The following PREX1 variants were observed in gnomAD, a reference collection of about 807,000 sequenced individuals.
The protein encoded by PREX1 is phosphatidylinositol 3,4,5-trisphosphate-dependent Rac exchanger 1 protein.
PREX1 carries 41 observed loss-of-function variants against 198.3 expected under a neutral mutation model. The observed-to-expected ratio is 0.21, with a 90% CI of 0.16 to 0.27. The LOEUF is 0.27. Among genes scored for constraint, PREX1 ranks in the 10% least tolerant of loss-of-function variants. The pLI is 1.00. For synonymous variants in PREX1, 843 were observed against 887.2 expected (o/e 0.95, Z 0.89); for missense variants, 1,620 against 2,200.7 (o/e 0.74, Z 5.28).
chr20:48,660,101 A>G, intron 15 of PREX1, 40 bp from the exon 16 acceptor site: 1 of 1,607,574 alleles, frequency 6.2e-7, no homozygotes, highest in Non-Finnish European at 8.5e-7. Flanking sequence ...TCAGATTCAC[A>G]GGGAAAGTTT....
At chr20:48,680,104 G>C (rs1214410526) in intron 11 of PREX1, among the ~76,000 whole-genome samples, 1 of 152,146 alleles carries the variant, frequency 6.6e-6, no homozygotes, top group Non-Finnish European at 1.5e-5. Context: ...CTTAGATCTA[G>C]ATCACCAATG....
Position 48,653,448 on chromosome 20 carries a change from C to T in PREX1, c.2259G>A (p.Lys753=). 2 of 1,613,856 alleles carry T rather than the reference C, an allele frequency of 1.2e-6. No individual in the cohort carries two copies. The highest frequency in any genetic ancestry group is 8.5e-7 in the Non-Finnish European group (1 of 1,180,026). The change falls in exon 20 of 40, where the codon AAG becomes AAA. Residue 753 remains lysine, a synonymous_variant. Transcript: ENST00000371941. ...CGTTCATCACGTTGCTGCCATTGAC[C>T]TTCAGAATGCACTGACCAGCACAGA... is the stretch of plus-strand genomic sequence containing the variant. ...AGLCAGQCIL[K]VNGSNVMNDG...
intron 18 of PREX1, 65 bp downstream of exon 18, chr20:48,656,975 C>G (rs1378420130): frequency 2.0e-6 from 3 of 1,518,534 alleles, no homozygotes; most frequent in Non-Finnish European, 2.7e-6. Context: ...CATGCCACCC[C>G]AGCCCTCAGC....
chr20:48,667,714 GT>G (rs926147059), intron 14 of PREX1, among the ~76,000 whole-genome samples: 1 of 152,234 alleles, frequency 6.6e-6, no homozygotes, highest in African/African-American at 2.4e-5. Context: ...AACCCGAAAC[GT>G]GAAGAATGAA....
chr20:48,832,750 C>G (rs1331766650), upstream of PREX1, among the ~76,000 whole-genome samples: 1 of 152,202 alleles, frequency 6.6e-6, no homozygotes, highest in Non-Finnish European at 1.5e-5. Context: ...TAAGGGAAGC[C>G]TTGCTGTTGG....
intron 2 of PREX1, among the ~76,000 whole-genome samples, chr20:48,745,888 T>C (rs904847462): frequency 1.3e-5 from 2 of 152,228 alleles, no homozygotes; most frequent in Non-Finnish European, 2.9e-5. Context: ...AAGGGGTGTT[T>C]CGTAGACAGA....
At chr20:48,713,857 TA>T (rs71337452) in intron 5 of PREX1, among the ~76,000 whole-genome samples, 21,575 of 81,532 alleles carry the variant, frequency 0.26, 1,341 homozygotes, top group Middle Eastern at 0.36. Context: ...CCCAGAACTA[TA>T]AAAAAAAAAA....
intron 9 of PREX1, among the ~76,000 whole-genome samples, chr20:48,690,241 G>A (rs2089811058): frequency 6.6e-6 from 1 of 152,152 alleles, no homozygotes; most frequent in Admixed American, 6.5e-5. Context: ...CAGTAAAACT[G>A]GGAGGTGGGG....
intron 18 of PREX1, 33 bp from the exon 19 acceptor site, chr20:48,655,408 C>T: frequency 6.9e-7 from 1 of 1,446,148 alleles, no homozygotes; most frequent in South Asian, 1.3e-5. Context: ...GGAAAAAGGC[C>T]ATGAGGAAAA....
At position 48,627,895 on chromosome 20, in the gene PREX1, C is replaced by T. The variant is rs770244017; in HGVS notation, c.4835G>A (p.Cys1612Tyr). The change falls in exon 38 of 40, where the codon TGC (cysteine) becomes TAC (tyrosine). Residue 1612 changes from cysteine to tyrosine, a missense_variant. Cys to Tyr is a radical substitution (Grantham distance 194). This residue lies in a region of PREX1 where 476 missense variants were observed against 603.4 expected (regional missense o/e 0.79). Transcript: ENST00000371941. The stretch of plus-strand genomic sequence containing the variant: ...CATGATGTCCGTGGCCTGCATGATG[C>T]ACTTGGGCAGCAACCCGTGGCTCCG... Reference protein sequence around the residue: ...LARSHGLLPKCIMQATDIMRK... With the variant: ...LARSHGLLPKYIMQATDIMRK... The T allele has an allele frequency of 2.5e-6, 4 of 1,612,994 alleles. No individual in the cohort carries two copies. Among genetic ancestry groups the T allele is most frequent in the Non-Finnish European group, 3.4e-6 (4 of 1,179,936 alleles).
chr20:48,814,011 C>A (rs547397388), intron 1 of PREX1, among the ~76,000 whole-genome samples: 1 of 152,328 alleles, frequency 6.6e-6, no homozygotes, highest in South Asian at 2.1e-4. Context: ...GCTGAGACCA[C>A]CCAGAGCTCC....
chr20:48,688,944 C>A, intron 9 of PREX1, 140 bp from the exon 10 acceptor site: 1 of 974,736 alleles, frequency 1.0e-6, no homozygotes. Context: ...ACCACCACGC[C>A]AGCAGCAGCT....
At chr20:48,638,493 A>G (rs2089383858) in intron 30 of PREX1, among the ~76,000 whole-genome samples, 1 of 152,164 alleles carries the variant, frequency 6.6e-6, no homozygotes. Context: ...TCGGCCCACA[A>G]AAGGGCTTAG....
chr20:48,841,434 G>A, the PREX1 span, among the ~76,000 whole-genome samples: 1 of 152,170 alleles, frequency 6.6e-6, no homozygotes, highest in Non-Finnish European at 1.5e-5. Context: ...TGGCCCACAA[G>A]ACATAACTTG....
In PREX1 at chr20:48,627,053, C is replaced by T. The variant is rs2089278097; in HGVS notation, c.4937+495G>A. 3.3e-5 allele frequency among the ~76,000 whole-genome samples: 5 copies of T among 152,220 alleles called. No individual in the cohort carries two copies. The South Asian group carries it at 1.0e-3, about 32-fold the overall frequency. On this transcript the variant is annotated intron_variant, in intron 39 of 39. Coordinates refer to ENST00000371941, the MANE Select transcript of PREX1 (RefSeq NM_020820.4). The stretch of plus-strand genomic sequence containing the variant: ...ACAGAGAGCATTCCTGCAAATCAGG[C>T]ATCGCAGGCCTGGGCCCAGGCTGCT...
At chr20:48,627,447 C>T in intron 39 of PREX1, 101 bp downstream of exon 39, 1 of 1,308,264 alleles carries the variant, frequency 7.6e-7, no homozygotes, top group Non-Finnish European at 1.1e-6. Flanking sequence ...GGGGAAGCCC[C>T]ATCTGAGCAT....
chr20:48,843,070 GA>G, the PREX1 span, among the ~76,000 whole-genome samples: 1 of 152,036 alleles, frequency 6.6e-6, no homozygotes, highest in Non-Finnish European at 1.5e-5. Flanking sequence ...ATCCTCCCAG[GA>G]AGAGACTCCA....
intron 1 of PREX1, among the ~76,000 whole-genome samples, chr20:48,781,118 G>A (rs1435076783): frequency 6.6e-6 from 1 of 152,188 alleles, no homozygotes; most frequent in Non-Finnish European, 1.5e-5. Flanking sequence ...CAGATTACAG[G>A]AGACTAAGGG....
the PREX1 span, among the ~76,000 whole-genome samples, chr20:48,865,916 ATTTTTCAGTGTATGCCCT>A: frequency 2.7e-5 from 4 of 150,538 alleles, no homozygotes; most frequent in Non-Finnish European, 5.9e-5. Flanking sequence ...GGGGTGACCA[ATTTTTCAGTGTATGCCCT>A]TTTCGAAGTG....
Sources: gnomAD v4.1 joint callset for allele counts (sites outside exome capture counted in the v4.1 genomes callset) on GRCh38, gnomAD v4.1.1 for gene constraint, gnomAD v4.1.1 regional missense constraint, MANE v1.5 for transcripts, NCBI Gene and HGNC (gene_info 2026-07-23, HGNC 2026-07-21) for gene names.